Variants in TRIM4 observed in about 807,000 individuals in gnomAD.
TRIM4 encodes E3 ubiquitin-protein ligase TRIM4.
TRIM4 carries 29 observed loss-of-function variants against 33.7 expected under a neutral mutation model. The observed-to-expected ratio is 0.86, with a 90% CI of 0.64 to 1.17. The LOEUF is 1.17. TRIM4 is among the 50% of genes most tolerant of loss of function. TRIM4 has a pLI of 0.00. For synonymous variants in TRIM4, 224 were observed against 233.0 expected (o/e 0.96, Z 0.35); for missense variants, 554 against 593.7 (o/e 0.93, Z 0.69).
chr7:99,894,261 C>T (rs1419164961), intron 5 of TRIM4, among the ~76,000 whole-genome samples: 1 of 152,138 alleles, frequency 6.6e-6, no homozygotes. Context: ...CATGGTAATA[C>T]AGGCCTCACA....
At chr7:99,903,460 A>G in intron 4 of TRIM4, 116 bp downstream of exon 4, 1 of 1,423,166 alleles carries the variant, frequency 7.0e-7, no homozygotes, top group Non-Finnish European at 9.8e-7. Context: ...TTTTCCTCAG[A>G]CCCCCATTAG....
intron 1 of TRIM4, chr7:99,916,582 C>G (rs188235272): frequency 2.9e-6 from 2 of 694,388 alleles, no homozygotes; most frequent in Admixed American, 2.1e-5. Flanking sequence ...CCATCCAAGA[C>G]TCCTCTCTCT....
intron 1 of TRIM4, 50 bp from the exon 2 acceptor site, chr7:99,909,710 C>T (rs1263489518): frequency 2.0e-6 from 2 of 989,186 alleles, no homozygotes; most frequent in Non-Finnish European, 3.1e-6. Flanking sequence ...CAACCATCAT[C>T]ATCTTCTTTT....
At chr7:99,900,528 T>C (rs1394779491) in intron 5 of TRIM4, among the ~76,000 whole-genome samples, 1 of 152,196 alleles carries the variant, frequency 6.6e-6, no homozygotes, top group African/African-American at 2.4e-5. Flanking sequence ...ATTCGTGTCA[T>C]TACCATTTCT....
intron 2 of TRIM4, among the ~76,000 whole-genome samples, chr7:99,909,053 A>G (rs1438302569): frequency 6.6e-6 from 1 of 152,144 alleles, no homozygotes; most frequent in Non-Finnish European, 1.5e-5. Context: ...CAAGTTTTAA[A>G]CTAAAACAAA....
chr7:99,892,506 C>T lies in TRIM4; in HGVS notation c.1082G>A (p.Arg361Lys). 2 of 1,614,230 alleles carry T rather than the reference C, an allele frequency of 1.2e-6. No homozygotes were observed. The highest frequency in any genetic ancestry group is 1.7e-6 in the Non-Finnish European group (2 of 1,180,038). The change falls in exon 6 of 6, where the codon AGA (arginine) becomes AAA (lysine). Residue 361 changes from arginine (R) to lysine (K), a missense_variant. Physicochemically the swap from Arg to Lys is conservative, Grantham distance 26 (BLOSUM62 2). Around this residue, in one of 3 missense-constraint regions of TRIM4, gnomAD observed 290 missense variants for 335.8 expected, o/e 0.86. Transcript: ENST00000349062. ...SGKHYWEVES[R>K]DSLEVAVGVC... The stretch of plus-strand genomic sequence containing the variant: ...CCCAACAGCAACCTCCAGACTATCT[C>T]TACTCTCAACTTCCCAGTAATGTTT...
chr7:99,915,712 T>A (rs1457552594), intron 1 of TRIM4, among the ~76,000 whole-genome samples: 1 of 152,140 alleles, frequency 6.6e-6, no homozygotes, highest in Admixed American at 6.5e-5. Flanking sequence ...TGGGCGGATA[T>A]CAGGGAATTC....
rs984315489 is a variant in TRIM4 at position 99,907,795 on chromosome 7, A to T, written c.720+787T>A. Among the ~76,000 whole-genome samples, 7 of 152,352 alleles carry T rather than the reference A, an allele frequency of 4.6e-5. No homozygotes were observed. The South Asian group carries it at 1.4e-3, about 32-fold the overall frequency. On this transcript the variant is annotated intron_variant, in intron 3 of 5. Transcript: ENST00000349062. ...TGTCTCTTGCTTATGAAAAAAAAATAGTAATGGTAGACAGAAAATGTTCTT... is the reference window on the plus strand; with the variant it reads ...TGTCTCTTGCTTATGAAAAAAAAATTGTAATGGTAGACAGAAAATGTTCTT...
rs1330027133 is a variant in TRIM4, at chr7:99,892,723, T to C, written c.865A>G (p.Thr289Ala). 2 of 1,613,304 alleles carry C rather than the reference T, an allele frequency of 1.2e-6. No individual in the cohort carries two copies. The highest frequency in any genetic ancestry group is 1.7e-6 in the Non-Finnish European group (2 of 1,179,858). The part of the protein sequence containing the change: ...FQVAVNLAED[T>A]AHPKLVFSQE... ...GAGAAGACGAGTTTGGGATGAGCTGTGTCTTCAGCTAGGTTTACAGCCACT... is the reference window on the plus strand; with the variant it reads ...GAGAAGACGAGTTTGGGATGAGCTGCGTCTTCAGCTAGGTTTACAGCCACT... The change falls in exon 6 of 6, where the codon ACA becomes GCA. Residue 289 changes from threonine to alanine, a missense_variant. By Grantham distance (58) the Thr-to-Ala change is moderately conservative. Coordinates refer to ENST00000349062, the MANE Select transcript of TRIM4 (RefSeq NM_033091.3).
intron 5 of TRIM4, among the ~76,000 whole-genome samples, chr7:99,895,970 A>G (rs1819008149): frequency 6.6e-6 from 1 of 151,852 alleles, no homozygotes; most frequent in African/African-American, 2.4e-5. Context: ...AGCCAATCCA[A>G]CCAACTTCTG....
intron 5 of TRIM4, chr7:99,901,831 AAAC>A (rs1230673950): frequency 6.8e-6 from 3 of 438,020 alleles, no homozygotes; most frequent in Non-Finnish European, 1.2e-5. Context: ...GAACTCTGCC[AAAC>A]AACTAGGAAG....
intron 1 of TRIM4, among the ~76,000 whole-genome samples, chr7:99,914,654 T>C (rs564964561): frequency 6.6e-6 from 1 of 152,144 alleles, no homozygotes; most frequent in South Asian, 2.1e-4. Flanking sequence ...ACCTTCTTCC[T>C]ACCCCATAAA....
At chr7:99,911,305 G>T (rs898062797) in intron 1 of TRIM4, among the ~76,000 whole-genome samples, 6 of 152,156 alleles carry the variant, frequency 3.9e-5, no homozygotes, top group African/African-American at 1.4e-4. Flanking sequence ...AGAAGCTAAG[G>T]TGAGCAGTTG....
At chr7:99,912,912 C>T (rs1398498671) in intron 1 of TRIM4, among the ~76,000 whole-genome samples, 2 of 152,186 alleles carry the variant, frequency 1.3e-5, no homozygotes, top group African/African-American at 4.8e-5. Context: ...TTTACTATCT[C>T]TAGTAGTTAA....
At chr7:99,910,815 C>G (rs1165578592) in intron 1 of TRIM4, among the ~76,000 whole-genome samples, 3 of 152,168 alleles carry the variant, frequency 2.0e-5, no homozygotes, top group African/African-American at 7.2e-5. Flanking sequence ...ACAAATTGGG[C>G]TGAGGGGCAG....
At chr7:99,914,606 C>T (rs908562911) in intron 1 of TRIM4, among the ~76,000 whole-genome samples, 3 of 152,202 alleles carry the variant, frequency 2.0e-5, no homozygotes, top group Admixed American at 6.5e-5. Context: ...ACATCGCATG[C>T]CACCTTTCCC....
intron 2 of TRIM4, 47 bp from the exon 3 acceptor site, chr7:99,908,859 G>A (rs756003291): frequency 6.5e-7 from 1 of 1,547,670 alleles, no homozygotes. Flanking sequence ...CCTGACCCCA[G>A]CTACTAAATT....
rs748092830 is a variant in TRIM4 at position 99,891,871 on chromosome 7, A to C, written c.*292T>G. ...CCACCATTCCTGTGTTCTCAGTTCC[A>C]ATATGGCTGCTAACATCCATATGTC... is the stretch of plus-strand genomic sequence containing the variant. On this transcript the variant is annotated 3_prime_UTR_variant, in exon 6 of 6. Coordinates refer to ENST00000349062, the MANE Select transcript of TRIM4 (RefSeq NM_033091.3). 128 of 305,896 alleles carry C rather than the reference A, an allele frequency of 4.2e-4. No homozygotes were observed. Among genetic ancestry groups the C allele is most frequent in the Non-Finnish European group, 6.7e-4 (110 of 165,120 alleles). The allele number at this position is 305,896 out of a possible 1,614,324, so 18.9% of individuals were successfully genotyped here. A position where few individuals can be genotyped will look rare whatever the true frequency, so the allele number is the denominator to read the frequency against.
chr7:99,899,748 G>A (rs1819112045), intron 5 of TRIM4, among the ~76,000 whole-genome samples: 1 of 152,184 alleles, frequency 6.6e-6, no homozygotes, highest in African/African-American at 2.4e-5. Flanking sequence ...TCTGTGTATG[G>A]TGGGTGGGTG....
Sources: allele counts gnomAD v4.1 joint callset (sites outside exome capture counted in the v4.1 genomes callset), GRCh38; gene constraint gnomAD v4.1.1; regional missense constraint gnomAD v4.1.1; transcripts MANE v1.5; gene names NCBI Gene and HGNC (gene_info 2026-07-23, HGNC 2026-07-21).